NELL2: variants seen among roughly 807,000 people sequenced by gnomAD.
NELL2 encodes the protein neural EGFL like 2.
A neutral mutation model predicts 109.6 loss-of-function variants in NELL2; 41 were observed. The observed-to-expected ratio is 0.37, with a 90% confidence interval of 0.29 to 0.49. The LOEUF (loss-of-function observed/expected upper bound fraction) is 0.49, where lower values mean the gene tolerates loss of function less well. NELL2 is among the 20% of genes least tolerant of loss of function. NELL2 has a pLI of 0.98. For missense variants in NELL2, 900 were observed against 1,008.3 expected (o/e 0.89, Z 1.45); for synonymous variants, 355 against 344.7 (o/e 1.03, Z -0.33).
rs190442551 is a variant in NELL2 at position 44,530,202 on chromosome 12, T to A, written c.1804+2379A>T. On this transcript the variant is annotated intron_variant, in intron 16 of 19. Transcript: ENST00000429094. Reference sequence around the variant, plus strand: ...AAATGAGCAGATATATAGAAATAAATAAATAGGCGAGTACGGGTCGTGGTG... The same window carrying A: ...AAATGAGCAGATATATAGAAATAAAAAAATAGGCGAGTACGGGTCGTGGTG... Among the ~76,000 whole-genome samples the A allele has an allele frequency of 8.0e-4, 121 of 152,118 alleles. 2 individuals are homozygous for A. Among genetic ancestry groups the A allele is most frequent in the Middle Eastern group, 3.4e-3 (1 of 294 alleles).
intron 15 of NELL2, among the ~76,000 whole-genome samples, chr12:44,541,250 C>CAAAAAAAAA (rs3071951): frequency 1.3e-5 from 1 of 78,900 alleles, no homozygotes; most frequent in Non-Finnish European, 2.3e-5. Context: ...GACTCCATCT[C>CAAAAAAAAA]AAAAAAAAAA....
chr12:44,520,143 G>T lies in NELL2; in HGVS notation c.2262C>A (p.Arg754=). The change falls in exon 19 of 20, where the codon CGC becomes CGA. Residue 754 remains arginine, a synonymous_variant. Transcript: ENST00000429094. ...SILPENECCP[R]CVTDPCQADT... ...CAGCCTGGCAAGGGTCTGTGACACA[G>T]CGCGGGCAGCACTCATTCTCTGGGA... 1 of 1,614,124 alleles carries T rather than the reference G, an allele frequency of 6.2e-7. No homozygotes were observed. Among genetic ancestry groups the T allele is most frequent in the Non-Finnish European group, 8.5e-7 (1 of 1,180,016 alleles).
chr12:44,555,570 A>T (rs1943220560), intron 15 of NELL2, among the ~76,000 whole-genome samples: 1 of 152,170 alleles, frequency 6.6e-6, no homozygotes, highest in Non-Finnish European at 1.5e-5. Context: ...AAGTCTGCTA[A>T]GTGAGGAGTG....
intron 2 of NELL2, among the ~76,000 whole-genome samples, chr12:44,818,900 G>A (rs962547601): frequency 2.7e-4 from 41 of 150,444 alleles, no homozygotes; most frequent in Non-Finnish European, 3.8e-4. Context: ...CCGCCACCGC[G>A]CCCAGCTAAT....
At chr12:44,743,334 C>G (rs1333823216) in intron 9 of NELL2, among the ~76,000 whole-genome samples, 1 of 152,132 alleles carries the variant, frequency 6.6e-6, no homozygotes, top group Non-Finnish European at 1.5e-5. Context: ...CCGGTACCAG[C>G]CACTGCAAAA....
chr12:44,555,207 G>A (rs1302650224), intron 15 of NELL2, among the ~76,000 whole-genome samples: 1 of 152,186 alleles, frequency 6.6e-6, no homozygotes, highest in Non-Finnish European at 1.5e-5. Flanking sequence ...TAACCTAGTT[G>A]TGGAAAGTAG....
At chr12:44,648,201 C>A (rs1641649455) in intron 13 of NELL2, among the ~76,000 whole-genome samples, 1 of 152,172 alleles carries the variant, frequency 6.6e-6, no homozygotes, top group African/African-American at 2.4e-5. Context: ...TCAGCATATG[C>A]CTTCTGTCAA....
At chr12:44,596,375 C>A (rs1310073606) in intron 15 of NELL2, among the ~76,000 whole-genome samples, 2 of 152,224 alleles carry the variant, frequency 1.3e-5, no homozygotes, top group East Asian at 1.9e-4. Context: ...AGAAATTATT[C>A]TTTTCTATTC....
At chr12:44,898,202 C>T (rs1248960817) in intron 1 of NELL2, among the ~76,000 whole-genome samples, 1 of 152,144 alleles carries the variant, frequency 6.6e-6, no homozygotes, top group African/African-American at 2.4e-5. Flanking sequence ...TTAAACGTTC[C>T]TGCCTGCTGG....
In NELL2 at chr12:44,779,576, G is replaced by A. The variant is rs954944185; in HGVS notation, c.606+87C>T. Reference sequence around the variant, plus strand: ...TCTAATTTACAAATCAAATTATTTTGTTTCACACCATAAAAAGTAAAATCT... The same window carrying A: ...TCTAATTTACAAATCAAATTATTTTATTTCACACCATAAAAAGTAAAATCT... On this transcript the variant is annotated intron_variant, in intron 5 of 19. Transcript: ENST00000429094. The A allele has an allele frequency of 1.6e-5, 16 of 1,029,908 alleles. No homozygotes were observed. The East Asian group carries it at 3.3e-4, about 21-fold the overall frequency. The allele number at this position is 1,029,908 out of a possible 1,614,324, so 63.8% of individuals were successfully genotyped here. A position where few individuals can be genotyped will look rare whatever the true frequency, so the allele number is the denominator to read the frequency against.
chr12:44,791,123 A>G (rs12826433), intron 3 of NELL2, among the ~76,000 whole-genome samples: 38 of 96,348 alleles, frequency 3.9e-4, no homozygotes, highest in South Asian at 1.9e-3. Context: ...ATATATATGT[A>G]TATATATATA....
intron 9 of NELL2, among the ~76,000 whole-genome samples, chr12:44,731,932 A>G (rs1027944978): frequency 6.6e-6 from 1 of 152,064 alleles, no homozygotes; most frequent in Non-Finnish European, 1.5e-5. Flanking sequence ...AACTCTAACA[A>G]GGAAAAATAG....
At chr12:44,706,276 A>G (rs1431858449) in intron 11 of NELL2, among the ~76,000 whole-genome samples, 1 of 152,186 alleles carries the variant, frequency 6.6e-6, no homozygotes, top group African/African-American at 2.4e-5. Flanking sequence ...CATTCTTCCA[A>G]CAGATAAGTT....
At chr12:44,868,000 A>G (rs1241432376) in intron 2 of NELL2, among the ~76,000 whole-genome samples, 2 of 151,688 alleles carry the variant, frequency 1.3e-5, no homozygotes, top group Admixed American at 6.6e-5. Flanking sequence ...GGTGCCTGTA[A>G]TCTCAGCTAC....
intron 9 of NELL2, among the ~76,000 whole-genome samples, chr12:44,744,594 C>T (rs541408284): frequency 2.6e-4 from 39 of 152,002 alleles, no homozygotes; most frequent in East Asian, 1.5e-3. Context: ...ATCAAAGAGA[C>T]GCAATAAAAA....
At chr12:44,724,705 T>G (rs776008591) in intron 9 of NELL2, among the ~76,000 whole-genome samples, 1 of 151,048 alleles carries the variant, frequency 6.6e-6, no homozygotes, top group Non-Finnish European at 1.5e-5. Flanking sequence ...TATTCAGTGG[T>G]ATTCCTATAA....
intron 13 of NELL2, among the ~76,000 whole-genome samples, chr12:44,616,002 A>G (rs1945809960): frequency 6.6e-6 from 1 of 152,148 alleles, no homozygotes; most frequent in Non-Finnish European, 1.5e-5. Flanking sequence ...GAAGCGCAAC[A>G]TTAAATCAGT....
intron 1 of NELL2, among the ~76,000 whole-genome samples, chr12:44,908,362 G>C (rs985748819): frequency 1.4e-4 from 22 of 151,984 alleles, no homozygotes; most frequent in African/African-American, 5.3e-4. Flanking sequence ...AAAACAGATA[G>C]TAGGTAGGTA....
intron 2 of NELL2, among the ~76,000 whole-genome samples, chr12:44,837,203 T>C (rs746860288): frequency 2.2e-4 from 34 of 152,346 alleles, no homozygotes; most frequent in East Asian, 1.5e-3. Context: ...AGTGTCCTTA[T>C]TTTGCAGAAA....
Sources: gnomAD v4.1 joint callset for allele counts (sites outside exome capture counted in the v4.1 genomes callset) on GRCh38, gnomAD v4.1.1 for gene constraint, MANE v1.5 for transcripts, NCBI Gene and HGNC (gene_info 2026-07-23, HGNC 2026-07-21) for gene names.